Variants in ELOVL5 observed in about 807,000 individuals in gnomAD.
The protein encoded by ELOVL5 is ELOVL fatty acid elongase 5, also known as very long chain fatty acid elongase 5.
In ELOVL5, 8 loss-of-function variants were observed where a neutral mutation model predicts 38.6. The ratio of observed to expected loss-of-function variants is 0.21; its 90% confidence interval spans 0.12 to 0.37. The LOEUF (loss-of-function observed/expected upper bound fraction) is 0.37, where lower values mean the gene tolerates loss of function less well. Among genes scored for constraint, ELOVL5 ranks in the 10% least tolerant of loss-of-function variants. The probability of loss-of-function intolerance (pLI) is 1.00; values close to 1 mark genes in which losing one functional copy is unlikely to be tolerated. For synonymous variants in ELOVL5, 127 were observed against 133.7 expected, an observed-to-expected ratio of 0.95 and a Z score of 0.34; for missense variants, 280 against 367.8, an observed-to-expected ratio of 0.76 and a Z score of 1.95.
chr6:53,341,135 T>C (rs542074254), intron 1 of ELOVL5, among the ~76,000 whole-genome samples: 2 of 152,242 alleles, frequency 1.3e-5, no homozygotes, highest in Admixed American at 6.5e-5. Flanking sequence ...CTTCTGATTT[T>C]CCCCAAAAAA....
chr6:53,327,273 C>T (rs1241336169), intron 1 of ELOVL5, among the ~76,000 whole-genome samples: 2 of 152,088 alleles, frequency 1.3e-5, no homozygotes, highest in East Asian at 3.9e-4. Flanking sequence ...TGCCTCACTG[C>T]TAGGTAAATC....
At chr6:53,306,230 AGGGGAGAGGGAGAGGGGAGAG>A (rs1767543358) in intron 1 of ELOVL5, among the ~76,000 whole-genome samples, 4 of 19,308 alleles carry the variant, frequency 2.1e-4, no homozygotes, top group Non-Finnish European at 3.3e-4. Flanking sequence ...GAGAGGGGAG[AGGGGAGAGGGAGAGGGGAGAG>A]GGGAGAGGGA....
intron 1 of ELOVL5, among the ~76,000 whole-genome samples, chr6:53,303,731 G>A (rs1767362375): frequency 1.3e-5 from 2 of 152,204 alleles, no homozygotes; most frequent in Non-Finnish European, 2.9e-5. Flanking sequence ...ACAAAAATAC[G>A]TTTAGGGTCA....
chr6:53,290,555 A>G (rs1766734866), intron 3 of ELOVL5: 1 of 152,200 alleles, frequency 6.6e-6, no homozygotes, highest in Non-Finnish European at 1.5e-5. Context: ...GACAGAAAAA[A>G]AAGCAAAAAA....
intron 1 of ELOVL5, among the ~76,000 whole-genome samples, chr6:53,302,513 G>A (rs923714162): frequency 6.6e-6 from 1 of 152,162 alleles, no homozygotes; most frequent in African/African-American, 2.4e-5. Flanking sequence ...CTCAAGGAGA[G>A]TGCAAATATT....
At chr6:53,318,224 ATC>A (rs1163283784) in intron 1 of ELOVL5, among the ~76,000 whole-genome samples, 15 of 152,202 alleles carry the variant, frequency 9.9e-5, no homozygotes, top group Non-Finnish European at 1.5e-4. Context: ...GAGAAAAAAT[ATC>A]TGTCTCATTT....
rs1241139516 is a variant in ELOVL5 at position 53,275,202 on chromosome 6, G to C, written c.384C>G (p.Phe128Leu). ...GGTTGTTCTTGCGCAGGATGAAGAA[G>C]AAAGTGTCCATAAATTCTATGAGTT... Reference protein sequence around the residue: ...FSKLIEFMDTFFFILRKNNHQ... With the variant: ...FSKLIEFMDTLFFILRKNNHQ... The change falls in exon 5 of 8, where the codon TTC becomes TTG. Residue 128 changes from phenylalanine to leucine, a missense_variant. Phe to Leu is a conservative substitution (Grantham distance 22). Transcript: ENST00000304434. 6.2e-7 allele frequency: 1 copy of C among 1,614,046 alleles called. No homozygotes were observed. The highest frequency in any genetic ancestry group is 1.3e-5 in the African/African-American group (1 of 74,924).
intron 3 of ELOVL5, among the ~76,000 whole-genome samples, chr6:53,282,926 C>T (rs868778403): frequency 6.6e-6 from 1 of 152,190 alleles, no homozygotes; most frequent in Non-Finnish European, 1.5e-5. Context: ...CTCTGTGGTT[C>T]CATCAGATGG....
At chr6:53,279,218 T>C (rs78271907) in intron 3 of ELOVL5, among the ~76,000 whole-genome samples, 9,417 of 152,288 alleles carry the variant, frequency 0.062, 596 homozygotes, top group Admixed American at 0.22. Context: ...ATGTGGTTCA[T>C]AGGATTAAAC....
intron 1 of ELOVL5, among the ~76,000 whole-genome samples, chr6:53,302,042 CT>C (rs1263654194): frequency 6.6e-6 from 1 of 152,128 alleles, no homozygotes; most frequent in Non-Finnish European, 1.5e-5. Context: ...TCCCCATGTA[CT>C]ATACTAAGTG....
At position 53,309,297 on chromosome 6, in the gene ELOVL5, G is replaced by GGCT. The variant is rs958137176; in HGVS notation, c.-8-13593_-8-13591dup. Among the ~76,000 whole-genome samples the GGCT allele has an allele frequency of 1.2e-4, 19 of 152,204 alleles. No homozygotes were observed. The South Asian group carries it at 1.5e-3, about 12-fold the overall frequency. ...GGGGCAGTATGGAACACTGCTGACAGGCTGCTGCTGCTGCTGCTGCCAAAT... is the reference window on the plus strand; with the variant it reads ...GGGGCAGTATGGAACACTGCTGACAGGCTGCTGCTGCTGCTGCTGCTGCCAAAT... On this transcript the variant is annotated intron_variant, in intron 1 of 7. Transcript: ENST00000304434.
chr6:53,342,242 C>G (rs1769362900), intron 1 of ELOVL5, among the ~76,000 whole-genome samples: 1 of 152,166 alleles, frequency 6.6e-6, no homozygotes, highest in African/African-American at 2.4e-5. Flanking sequence ...CAGAAGTACC[C>G]TGAATACTAC....
intron 2 of ELOVL5, chr6:53,294,196 G>C: frequency 6.8e-7 from 1 of 1,467,706 alleles, no homozygotes; most frequent in Non-Finnish European, 9.0e-7. Context: ...GTGCTTCCCG[G>C]GCACCTGACC....
At chr6:53,281,605 A>G (rs2235723) in intron 3 of ELOVL5, among the ~76,000 whole-genome samples, 55,256 of 152,056 alleles carry the variant, frequency 0.36, 11,161 homozygotes, top group African/African-American at 0.55. Flanking sequence ...CAGACCTTTA[A>G]CTGCATCTTT....
rs572004598 is a variant in ELOVL5 at position 53,348,152 on chromosome 6, T to A, written c.-9+665A>T. 7.9e-5 allele frequency among the ~76,000 whole-genome samples: 12 copies of A among 152,058 alleles called. No homozygotes were observed. The South Asian group carries it at 2.5e-3, about 32-fold the overall frequency. The stretch of plus-strand genomic sequence containing the variant: ...CTTTCCCACCAGCCTCATCCCTCCC[T>A]GAGTACCAAGGGCTGCCGTTGTCTG... On this transcript the variant is annotated intron_variant, in intron 1 of 7. Transcript: ENST00000304434.
At chr6:53,304,748 G>A (rs564802928) in intron 1 of ELOVL5, among the ~76,000 whole-genome samples, 1 of 152,206 alleles carries the variant, frequency 6.6e-6, no homozygotes, top group East Asian at 1.9e-4. Flanking sequence ...TGGGGGTAAG[G>A]TCACAGATCA....
chr6:53,290,388 T>C (rs1766728463), intron 3 of ELOVL5: 1 of 152,154 alleles, frequency 6.6e-6, no homozygotes, highest in Non-Finnish European at 1.5e-5. Context: ...AAGTAAGCAG[T>C]TCACTCAGAA....
intron 1 of ELOVL5, among the ~76,000 whole-genome samples, chr6:53,304,434 C>T (rs1283268073): frequency 7.6e-6 from 1 of 132,212 alleles, no homozygotes; most frequent in Admixed American, 7.8e-5. Context: ...ACACACACAC[C>T]TCTTTTATTT....
At chr6:53,296,572 TA>T (rs965286329) in intron 1 of ELOVL5, among the ~76,000 whole-genome samples, 15 of 152,022 alleles carry the variant, frequency 9.9e-5, no homozygotes, top group African/African-American at 2.7e-4. Context: ...GGATCACAGT[TA>T]AAAAAAACTA....
Sources: gnomAD v4.1 joint callset for allele counts (sites outside exome capture counted in the v4.1 genomes callset) on GRCh38, gnomAD v4.1.1 for gene constraint, MANE v1.5 for transcripts, NCBI Gene and HGNC (gene_info 2026-07-23, HGNC 2026-07-21) for gene names.